The following GAB2 variants were observed in gnomAD, a reference collection of about 807,000 sequenced individuals.
The protein encoded by GAB2 is GRB2-associated-binding protein 2.
A neutral mutation model predicts 65.5 loss-of-function variants in GAB2; 26 were observed. The observed-to-expected ratio is 0.40, with a 90% CI of 0.29 to 0.55. GAB2 has a LOEUF of 0.55. Ranked by LOEUF, GAB2 falls within the 20% of genes least tolerant of loss-of-function variation. The pLI is 0.53. For synonymous variants in GAB2, 321 were observed against 329.6 expected (o/e 0.97, Z 0.28); for missense variants, 884 against 875.8 (o/e 1.01, Z -0.12).
chr11:78,349,487 A>T (rs570802129), intron 1 of GAB2, among the ~76,000 whole-genome samples: 174 of 152,298 alleles, frequency 1.1e-3, no homozygotes, highest in African/African-American at 3.9e-3. Context: ...CCCGATGGTA[A>T]ATGGTAGATT....
chr11:78,388,146 C>T (rs1856792110), intron 1 of GAB2: 1 of 151,978 alleles, frequency 6.6e-6, no homozygotes, highest in East Asian at 1.9e-4. Flanking sequence ...GTGCCTCAGC[C>T]TTCCAAGTAG....
chr11:78,396,537 T>C (rs1856896954), intron 1 of GAB2, among the ~76,000 whole-genome samples: 2 of 152,234 alleles, frequency 1.3e-5, no homozygotes, highest in Admixed American at 1.3e-4. Flanking sequence ...TTATTACACA[T>C]GCTTGAGAAA....
intron 3 of GAB2, among the ~76,000 whole-genome samples, chr11:78,248,340 G>T (rs1865353603): frequency 6.6e-6 from 1 of 152,252 alleles, no homozygotes; most frequent in Non-Finnish European, 1.5e-5. Flanking sequence ...GGCGGCAATT[G>T]TTACTACTAT....
rs759776263 is a variant in GAB2 at position 78,218,073 on chromosome 11, C to G, written c.*1199G>C. On this transcript the variant is annotated 3_prime_UTR_variant, in exon 10 of 10. Transcript: ENST00000361507. ...GGATTGCGTTGGGCACCCCCCAACT[C>G]CCAGGCCCTTTGGATGTATTTCCCC... is the stretch of plus-strand genomic sequence containing the variant. 14 of 153,480 alleles carry G rather than the reference C, an allele frequency of 9.1e-5. No individual in the cohort carries two copies. Among genetic ancestry groups the G allele is most frequent in the African/African-American group, 3.4e-4 (14 of 41,576 alleles). The allele number at this position is 153,480 out of a possible 1,614,324, so 9.5% of individuals were successfully genotyped here. A position where few individuals can be genotyped will look rare whatever the true frequency, so the allele number is the denominator to read the frequency against.
chr11:78,327,998 G>T (rs143687376), intron 1 of GAB2, among the ~76,000 whole-genome samples: 378 of 152,262 alleles, frequency 2.5e-3, no homozygotes, highest in African/African-American at 8.8e-3. Context: ...GGAATTTGTT[G>T]TGGGTGACAG....
intron 1 of GAB2, among the ~76,000 whole-genome samples, chr11:78,327,564 A>G (rs1288009856): frequency 1.3e-5 from 2 of 152,134 alleles, no homozygotes; most frequent in Non-Finnish European, 2.9e-5. Flanking sequence ...TGTTTGGGAA[A>G]CAACATACCA....
At chr11:78,317,789 A>G (rs1485820802) in intron 1 of GAB2, among the ~76,000 whole-genome samples, 2 of 152,228 alleles carry the variant, frequency 1.3e-5, no homozygotes, top group South Asian at 2.1e-4. Context: ...CCCTGCCATT[A>G]TATCTGGCTG....
At chr11:78,417,059 GA>G (rs1218391448) in intron 1 of GAB2, among the ~76,000 whole-genome samples, 1 of 152,190 alleles carries the variant, frequency 6.6e-6, no homozygotes, top group Non-Finnish European at 1.5e-5. Flanking sequence ...GGAATAAAGG[GA>G]AAGAAGGGGG....
chr11:78,388,773 T>C (rs1856799100), intron 1 of GAB2, among the ~76,000 whole-genome samples: 1 of 152,222 alleles, frequency 6.6e-6, no homozygotes, highest in South Asian at 2.1e-4. Flanking sequence ...AATGCAATGA[T>C]TCTATTCCCA....
At chr11:78,385,548 C>G (rs1856755626) in intron 1 of GAB2, among the ~76,000 whole-genome samples, 1 of 152,170 alleles carries the variant, frequency 6.6e-6, no homozygotes, top group African/African-American at 2.4e-5. Flanking sequence ...AGGAGAGAAG[C>G]CCTTTAAATG....
intron 3 of GAB2, among the ~76,000 whole-genome samples, chr11:78,228,809 T>G (rs1864759451): frequency 1.4e-5 from 2 of 147,820 alleles, no homozygotes; most frequent in South Asian, 2.2e-4. Context: ...CTTTAGATAA[T>G]GTAGTGCTTA....
rs1481293658 is a variant in GAB2 at position 78,226,777 on chromosome 11, T to C, written c.895A>G (p.Ser299Gly). The C allele has an allele frequency of 1.2e-6, 2 of 1,613,982 alleles. No individual in the cohort carries two copies. The highest frequency in any genetic ancestry group is 3.3e-5 in the Admixed American group (2 of 60,000). Residue 299 changes from serine to glycine, a missense_variant, in exon 4 of 10, where the codon AGC becomes GGC. By Grantham distance (56) the Ser-to-Gly change is moderately conservative (BLOSUM62 0). Coordinates refer to ENST00000361507, the MANE Select transcript of GAB2 (RefSeq NM_080491.3). ...NEDVYTFKTP[S>G]NTLCREFGDL... ...CCGAACTCCCTGCACAGGGTGTTGC[T>C]GGGCGTCTTGAAGGTGTACACATCC...
chr11:78,336,302 G>C lies in GAB2; in HGVS notation c.76-55401C>G, dbSNP rs368533386. Among the ~76,000 whole-genome samples, 20 of 119,590 alleles carry C rather than the reference G, an allele frequency of 1.7e-4. No individual in the cohort carries two copies. In the South Asian group the frequency reaches 5.5e-3, roughly 33 times the overall value. The allele number at this position is 119,590 out of a possible 152,430, so 78.5% of individuals were successfully genotyped here. The stretch of plus-strand genomic sequence containing the variant: ...GCACTCACTGCACTCACTCCAGCCC[G>C]GGCGACAGAGCGAGACTGTCTCTCA... On this transcript the variant is annotated intron_variant, in intron 1 of 9. Coordinates refer to ENST00000361507, the MANE Select transcript of GAB2 (RefSeq NM_080491.3).
intron 1 of GAB2, among the ~76,000 whole-genome samples, chr11:78,381,045 T>C (rs1044112407): frequency 1.3e-5 from 2 of 151,908 alleles, no homozygotes; most frequent in Non-Finnish European, 2.9e-5. Context: ...CAGGTGGCCA[T>C]ACTTAAGCTT....
intron 1 of GAB2, among the ~76,000 whole-genome samples, chr11:78,409,696 C>A (rs1365210871): frequency 6.6e-6 from 1 of 152,098 alleles, no homozygotes; most frequent in Admixed American, 6.5e-5. Context: ...TGTCTCTCAA[C>A]AATCGACAGA....
chr11:78,397,517 A>C lies in GAB2; in HGVS notation c.75+20129T>G, dbSNP rs544321359. On this transcript the variant is annotated intron_variant, in intron 1 of 9. Coordinates refer to ENST00000361507, the MANE Select transcript of GAB2 (RefSeq NM_080491.3). ...ATTCTGATGAGGTGGATGGTGCAGGAAAGACTGCCACAAGGTGGCAAGTGA... is the reference window on the plus strand; with the variant it reads ...ATTCTGATGAGGTGGATGGTGCAGGCAAGACTGCCACAAGGTGGCAAGTGA... Among the ~76,000 whole-genome samples, 11 of 152,372 alleles carry C rather than the reference A, an allele frequency of 7.2e-5. No homozygotes were observed. In the South Asian group the frequency reaches 2.3e-3, roughly 32 times the overall value.
intron 2 of GAB2, among the ~76,000 whole-genome samples, chr11:78,260,449 G>T (rs1865698142): frequency 6.6e-6 from 1 of 151,872 alleles, no homozygotes; most frequent in Non-Finnish European, 1.5e-5. Flanking sequence ...TGTCTCCCTA[G>T]TTAGAATTAA....
intron 1 of GAB2, among the ~76,000 whole-genome samples, chr11:78,369,893 T>C (rs1856544587): frequency 6.6e-6 from 1 of 152,152 alleles, no homozygotes; most frequent in Non-Finnish European, 1.5e-5. Context: ...TTTTTGTTTG[T>C]TTGTTTTAGC....
At chr11:78,403,930 T>G (rs560255356) in intron 1 of GAB2, among the ~76,000 whole-genome samples, 2 of 151,878 alleles carry the variant, frequency 1.3e-5, no homozygotes, top group East Asian at 1.9e-4. Context: ...ATGCTAAGTA[T>G]CTACAGAAAA....
Sources: gnomAD v4.1 joint callset for allele counts (sites outside exome capture counted in the v4.1 genomes callset) on GRCh38, gnomAD v4.1.1 for gene constraint, MANE v1.5 for transcripts, NCBI Gene and HGNC (gene_info 2026-07-23, HGNC 2026-07-21) for gene names.